PTGER3: variants seen among roughly 807,000 people sequenced by gnomAD.
The protein encoded by PTGER3 is prostaglandin E receptor 3, also known as prostaglandin E2 receptor EP3 subtype.
PTGER3 carries 22 observed loss-of-function variants against 34.7 expected under a neutral mutation model. That is an observed-to-expected ratio of 0.63 (90% CI 0.45 to 0.91). The LOEUF is 0.91. PTGER3 is among the 40% of genes least tolerant of loss of function. The pLI is 0.00. For missense variants in PTGER3, 468 were observed against 519.4 expected, an observed-to-expected ratio of 0.90 and a Z score of 0.96; for synonymous variants, 241 against 230.1, an observed-to-expected ratio of 1.05 and a Z score of -0.43.
At chr1:70,962,555 T>C (rs1466775315) in intron 2 of PTGER3, among the ~76,000 whole-genome samples, 1 of 151,980 alleles carries the variant, frequency 6.6e-6, no homozygotes, top group Non-Finnish European at 1.5e-5. Context: ...TGGTGGAAGG[T>C]GAATGAGGAG....
At chr1:71,009,566 C>T (rs1178253244) in intron 2 of PTGER3, 5 of 984,900 alleles carry the variant, frequency 5.1e-6, no homozygotes, top group South Asian at 4.7e-5. Context: ...CTCTGTGACT[C>T]AGCATAGTAT....
intron 1 of PTGER3, among the ~76,000 whole-genome samples, chr1:71,041,636 C>G (rs1371602593): frequency 6.6e-6 from 1 of 152,150 alleles, no homozygotes; most frequent in Non-Finnish European, 1.5e-5. Flanking sequence ...GAGAGATTGT[C>G]TAATGATTCT....
At chr1:70,984,572 A>T (rs2100742203) in intron 2 of PTGER3, among the ~76,000 whole-genome samples, 1 of 152,146 alleles carries the variant, frequency 6.6e-6, no homozygotes, top group South Asian at 2.1e-4. Context: ...GTTTTAAATT[A>T]GTCAGGTGTG....
chr1:70,959,246 G>A (rs6679203), intron 2 of PTGER3, among the ~76,000 whole-genome samples: 20,147 of 152,082 alleles, frequency 0.13, 2,084 homozygotes, highest in African/African-American at 0.28. Flanking sequence ...CATTGAATCT[G>A]TAGATTGCAT....
chr1:71,033,602 GA>G (rs1413207028), intron 1 of PTGER3, among the ~76,000 whole-genome samples: 7 of 152,166 alleles, frequency 4.6e-5, no homozygotes, highest in African/African-American at 1.7e-4. Flanking sequence ...ACATTGTATG[GA>G]CTCAATAAAC....
intron 4 of PTGER3, among the ~76,000 whole-genome samples, chr1:70,890,397 C>G (rs1646590929): frequency 6.6e-6 from 1 of 152,016 alleles, no homozygotes; most frequent in Non-Finnish European, 1.5e-5. Flanking sequence ...GAAATGACCC[C>G]CAAATCTATC....
intron 4 of PTGER3, among the ~76,000 whole-genome samples, chr1:70,872,900 T>G (rs879680330): frequency 6.6e-6 from 1 of 152,198 alleles, no homozygotes; most frequent in African/African-American, 2.4e-5. Flanking sequence ...TGTTCCAGAC[T>G]GTGTGATCCT....
At chr1:71,016,686 C>T (rs146833005) in intron 1 of PTGER3, among the ~76,000 whole-genome samples, 53 of 151,856 alleles carry the variant, frequency 3.5e-4, no homozygotes, top group Admixed American at 9.2e-4. Flanking sequence ...GCCTGTAATC[C>T]TAGCTACTTG....
In PTGER3 at chr1:70,872,637, G is replaced by A. The variant is rs1193725860; in HGVS notation, c.*24-19778C>T. Among the ~76,000 whole-genome samples, 3 of 152,118 alleles carry A rather than the reference G, an allele frequency of 2.0e-5. 1 individual carries two copies. The highest frequency in any genetic ancestry group is 4.4e-5 in the Non-Finnish European group (3 of 68,020). ...AGACCTCATTCTATTTGACGCCAAG[G>A]TTTGTGTAGCATATATGACATCTAG... On this transcript the variant is annotated intron_variant, in intron 4 of 4. Transcript: ENST00000370931.
At chr1:70,888,076 C>T (rs1166311060) in intron 4 of PTGER3, among the ~76,000 whole-genome samples, 1 of 152,098 alleles carries the variant, frequency 6.6e-6, no homozygotes, top group Non-Finnish European at 1.5e-5. Flanking sequence ...ATAAGAGTAC[C>T]ATGTACACTA....
At chr1:70,909,900 A>T in intron 4 of PTGER3, among the ~76,000 whole-genome samples, 1 of 152,224 alleles carries the variant, frequency 6.6e-6, no homozygotes, top group East Asian at 1.9e-4. Flanking sequence ...AACTGATTTG[A>T]AATGCTTACT....
At chr1:70,928,536 G>A (rs1197088833) in intron 4 of PTGER3, among the ~76,000 whole-genome samples, 1 of 152,088 alleles carries the variant, frequency 6.6e-6, no homozygotes, top group Non-Finnish European at 1.5e-5. Context: ...AGGGGACTAA[G>A]GTTGGAGGAT....
exon 5 of PTGER3, chr1:70,852,795 G>C (rs750235018): frequency 1.2e-6 from 2 of 1,607,426 alleles, no homozygotes; most frequent in African/African-American, 2.7e-5. Flanking sequence ...CAAAAAGAGA[G>C]TCATGGAGCT....
intron 4 of PTGER3, among the ~76,000 whole-genome samples, chr1:70,858,576 T>C (rs1246382677): frequency 2.0e-5 from 3 of 152,228 alleles, no homozygotes; most frequent in Non-Finnish European, 4.4e-5. Context: ...GGCCAGTTTA[T>C]TGAATCTCTT....
At chr1:70,936,990 A>G (rs1367272154) in intron 4 of PTGER3, among the ~76,000 whole-genome samples, 2 of 152,204 alleles carry the variant, frequency 1.3e-5, no homozygotes, top group East Asian at 3.9e-4. Context: ...ACAAGAGCAG[A>G]AAAACACAGC....
At chr1:70,965,799 G>C (rs1182729106), downstream of PTGER3, among the ~76,000 whole-genome samples, 2 of 152,036 alleles carry the variant, frequency 1.3e-5, no homozygotes, top group African/African-American at 2.4e-5. Flanking sequence ...TTGTTCTGTG[G>C]TTTAGCGTGT....
intron 2 of PTGER3, chr1:71,007,600 T>C (rs1657084734): frequency 1.0e-6 from 1 of 985,292 alleles, no homozygotes; most frequent in African/African-American, 1.7e-5. Flanking sequence ...TCTTTTTCTA[T>C]GTTCTCTGCC....
At chr1:71,007,831 A>ATTT (rs1657103095) in intron 2 of PTGER3, 4 of 984,980 alleles carry the variant, frequency 4.1e-6, no homozygotes, top group Non-Finnish European at 4.8e-6. Context: ...ATTCTAAAGC[A>ATTT]TTTAACAATA....
rs1012737809 is a variant in PTGER3, at chr1:70,971,222, C to T, written c.*508G>A. 14 of 985,246 alleles carry T rather than the reference C, an allele frequency of 1.4e-5. No individual in the cohort carries two copies. Among genetic ancestry groups the T allele is most frequent in the South Asian group, 1.4e-4 (3 of 21,290 alleles). 61.0% of individuals were successfully genotyped at this position (985,246 alleles called of 1,614,324 possible). A position where few individuals can be genotyped will look rare whatever the true frequency, so the allele number is the denominator to read the frequency against. On this transcript the variant is annotated 3_prime_UTR_variant, in exon 4 of 4. Coordinates refer to ENST00000306666, the MANE Select transcript of PTGER3 (RefSeq NM_198719.2). ...AATTGGGCACAAATATTTTTTGTCA[C>T]GATTCCCTCCTGCCCTCATTTGCTT... is the stretch of plus-strand genomic sequence containing the variant.
Sources: gnomAD v4.1 joint callset for allele counts (sites outside exome capture counted in the v4.1 genomes callset) on GRCh38, gnomAD v4.1.1 for gene constraint, MANE v1.5 for transcripts, NCBI Gene and HGNC (gene_info 2026-07-23, HGNC 2026-07-21) for gene names.